Variants in SBNO2 observed in about 807,000 individuals in gnomAD.
SBNO2 encodes protein strawberry notch homolog 2.
Under a neutral mutation model 146.3 loss-of-function variants are expected in SBNO2, and 89 were observed. The ratio of observed to expected loss-of-function variants is 0.61; its 90% CI spans 0.51 to 0.73. SBNO2 has a LOEUF of 0.73. Among genes scored for constraint, SBNO2 ranks in the 30% least tolerant of loss-of-function variants. SBNO2 has a pLI of 0.00. For synonymous variants in SBNO2, 1,147 were observed against 892.6 expected (o/e 1.29, Z -5.08); for missense variants, 2,092 against 2,003.7 (o/e 1.04, Z -0.84).
At chr19:1,139,857 A>G (rs2080118891) in intron 4 of SBNO2, among the ~76,000 whole-genome samples, 1 of 152,170 alleles carries the variant, frequency 6.6e-6, no homozygotes, top group South Asian at 2.1e-4. Context: ...AGACAGGAGA[A>G]TCGCTTGAAC....
intron 4 of SBNO2, among the ~76,000 whole-genome samples, chr19:1,134,060 C>T (rs1418526130): frequency 6.6e-6 from 1 of 150,982 alleles, no homozygotes; most frequent in East Asian, 1.9e-4. Flanking sequence ...GCTCACAGGA[C>T]CCATAGCTCA....
intron 2 of SBNO2, among the ~76,000 whole-genome samples, chr19:1,153,611 C>G (rs1367973512): frequency 1.3e-5 from 2 of 152,040 alleles, no homozygotes; most frequent in African/African-American, 4.8e-5. Context: ...CGTCTCCACT[C>G]ACTGCAGCCT....
At position 1,160,593 on chromosome 19, in the gene SBNO2, G is replaced by T. The variant is rs529668732; in HGVS notation, c.-126-6191C>A. Among the ~76,000 whole-genome samples the T allele has an allele frequency of 3.3e-5, 5 of 152,214 alleles. No individual in the cohort carries two copies. In the South Asian group the frequency reaches 8.3e-4, roughly 25 times the overall value. On this transcript the variant is annotated intron_variant, in intron 1 of 31. Coordinates refer to ENST00000361757, the MANE Select transcript of SBNO2 (RefSeq NM_014963.3). ...CAGTGATTTTTGTGGACCCACTGGG[G>T]GTCTCGGCTCACTGCAGCCTTCGCC...
rs2079762317 is a variant in SBNO2 at position 1,111,680 on chromosome 19, C to A, written c.2701-66G>T. On this transcript the variant is annotated intron_variant, in intron 23 of 31. Transcript: ENST00000361757. ...AGGCTGGCTTTCCCTGGACCCCTGC[C>A]TCCCCAGAACCCCACCCTCCCCTAG... 1.2e-5 allele frequency: 15 copies of A among 1,245,456 alleles called. No individual in the cohort carries two copies. In the Admixed American group the frequency reaches 3.0e-4, roughly 25 times the overall value. 77.2% of individuals were successfully genotyped at this position (1,245,456 alleles called of 1,614,324 possible).
intron 4 of SBNO2, among the ~76,000 whole-genome samples, chr19:1,131,353 GCCGGGGCTGC>G: frequency 6.6e-6 from 1 of 152,330 alleles, no homozygotes; most frequent in Non-Finnish European, 1.5e-5. Context: ...CCCAGGGAGG[GCCGGGGCTGC>G]CCGCTGTGGT....
intron 1 of SBNO2, among the ~76,000 whole-genome samples, chr19:1,172,907 AGGAAGGACGTTCTGAGCAGGCG>A (rs1374313234): frequency 6.6e-6 from 1 of 151,712 alleles, no homozygotes; most frequent in Non-Finnish European, 1.5e-5. Context: ...AGTCACAGGC[AGGAAGGACGTTCTGAGCAGGCG>A]GGAACAACAG....
intron 1 of SBNO2, among the ~76,000 whole-genome samples, chr19:1,167,254 C>A (rs1226029493): frequency 6.6e-6 from 1 of 152,260 alleles, no homozygotes; most frequent in Non-Finnish European, 1.5e-5. Context: ...ACTCCAGGTT[C>A]GCCAGTGCGG....
At position 1,170,013 on chromosome 19, in the gene SBNO2, C is replaced by A. The variant is rs534448856; in HGVS notation, c.-127+4159G>T. 1.2e-3 allele frequency among the ~76,000 whole-genome samples: 180 copies of A among 152,304 alleles called. 1 individual carries two copies. Among genetic ancestry groups the A allele is most frequent in the African/African-American group, 4.1e-3 (172 of 41,568 alleles). ...CTGGACACGTGACCACACGTCTACC[C>A]CCCATCTGTGGACTGCCCTGCTCTG... On this transcript the variant is annotated intron_variant, in intron 1 of 31. Transcript: ENST00000361757.
At chr19:1,132,265 T>C (rs1358787058) in intron 4 of SBNO2, 4 of 1,314,398 alleles carry the variant, frequency 3.0e-6, no homozygotes, top group Non-Finnish European at 3.9e-6. Flanking sequence ...CCCGGCTGCA[T>C]TTGCATGTCG....
chr19:1,116,030 T>A lies in SBNO2; in HGVS notation c.1876A>T (p.Lys626Ter). 6.2e-7 allele frequency: 1 copy of A among 1,607,726 alleles called. No individual in the cohort carries two copies. Among genetic ancestry groups the A allele is most frequent in the Non-Finnish European group, 8.5e-7 (1 of 1,178,330 alleles). ...KRKRDRGAGS[K>*]RKRRPRGRGA... ...GGGGGGCAGGGCTTACGTTTCCGCTTGCTGCCCGCTCCTCTGTCCCGCTTT... is the reference window on the plus strand; with the variant it reads ...GGGGGGCAGGGCTTACGTTTCCGCTAGCTGCCCGCTCCTCTGTCCCGCTTT... Residue 626 changes from lysine (K) to a stop codon, truncating the protein, a stop_gained, in exon 17 of 32, where the codon AAG (lysine) becomes TAG (stop). Coordinates refer to ENST00000361757, the MANE Select transcript of SBNO2 (RefSeq NM_014963.3). LOFTEE classifies it high-confidence loss of function.
chr19:1,120,106 C>T (rs957989785), intron 11 of SBNO2, 83 bp from the exon 12 acceptor site: 41 of 1,074,228 alleles, frequency 3.8e-5, no homozygotes, highest in Middle Eastern at 2.0e-4. Flanking sequence ...AAGACCCCAC[C>T]TTCCTGGTGG....
In SBNO2 at chr19:1,158,569, G is replaced by A. The variant is rs1031697583; in HGVS notation, c.-126-4167C>T. ...CGGGTTCTGGTCTCCTGGCACACCC[G>A]GCAGCATCTCAAGGCCTGCGCCAGC... is the stretch of plus-strand genomic sequence containing the variant. On this transcript the variant is annotated intron_variant, in intron 1 of 31. Coordinates refer to ENST00000361757, the MANE Select transcript of SBNO2 (RefSeq NM_014963.3). This position sits in a 1 kb window ranked among gnomAD's most constrained non-coding sequence, Gnocchi z 9.9. Among the ~76,000 whole-genome samples the A allele has an allele frequency of 2.6e-5, 4 of 152,198 alleles. No individual in the cohort carries two copies. Among genetic ancestry groups the A allele is most frequent in the East Asian group, 3.8e-4 (2 of 5,198 alleles).
chr19:1,136,920 G>A lies in SBNO2; in HGVS notation c.280-9155C>T, dbSNP rs1248461298. Among the ~76,000 whole-genome samples, 12 of 151,878 alleles carry A rather than the reference G, an allele frequency of 7.9e-5. No homozygotes were observed. The highest frequency in any genetic ancestry group is 2.0e-4 in the East Asian group (1 of 5,078). The stretch of plus-strand genomic sequence containing the variant: ...GGTCCCTGCAGCCCCATGGGGACCC[G>A]GGATGGATGCCCGGCAGGTGGAGAG... On this transcript the variant is annotated intron_variant, in intron 4 of 31. Transcript: ENST00000361757. This position sits in a 1 kb window ranked among gnomAD's most constrained non-coding sequence, Gnocchi z 4.2.
At chr19:1,122,107 C>A in intron 11 of SBNO2, 32 bp downstream of exon 11, 2 of 1,379,092 alleles carry the variant, frequency 1.5e-6, no homozygotes, top group South Asian at 1.7e-5. Context: ...CCTAATCCAG[C>A]CCTCCCCTCC....
At position 1,140,208 on chromosome 19, in the gene SBNO2, G is replaced by A. The variant is rs1391288061; in HGVS notation, c.279+7101C>T. On this transcript the variant is annotated intron_variant, in intron 4 of 31. Coordinates refer to ENST00000361757, the MANE Select transcript of SBNO2 (RefSeq NM_014963.3). The surrounding 1 kb of genome is among the most constrained non-coding windows in gnomAD (Gnocchi z 4.4). ...CCAGCTACTCGGGAGGCTGAGGCGG[G>A]AGAATGGCATGAACCCAGGAGGCGT... Among the ~76,000 whole-genome samples the A allele has an allele frequency of 1.3e-5, 2 of 151,758 alleles. No individual in the cohort carries two copies. The highest frequency in any genetic ancestry group is 2.4e-5 in the African/African-American group (1 of 41,316).
intron 5 of SBNO2, chr19:1,127,383 G>A: frequency 1.7e-6 from 1 of 592,376 alleles, no homozygotes. Flanking sequence ...CCCAGATGTG[G>A]TAGCCACAGA....
At chr19:1,114,657 CT>C in intron 17 of SBNO2, among the ~76,000 whole-genome samples, 2 of 149,050 alleles carry the variant, frequency 1.3e-5, no homozygotes, top group South Asian at 2.1e-4. Flanking sequence ...TATTTATTTT[CT>C]TTTGAGACGG....
chr19:1,172,835 G>A (rs1239725026), intron 1 of SBNO2, among the ~76,000 whole-genome samples: 2 of 132,930 alleles, frequency 1.5e-5, no homozygotes, highest in African/African-American at 2.9e-5. Flanking sequence ...CTCCGAGGCC[G>A]GGCACTCTCG....
At position 1,119,566 on chromosome 19, in the gene SBNO2, C is replaced by T. The variant is rs2079874680; in HGVS notation, c.1323G>A (p.Glu441=). The change falls in exon 13 of 32, where the codon GAG becomes GAA. Residue 441 remains glutamate (E), a synonymous_variant. Coordinates refer to ENST00000361757, the MANE Select transcript of SBNO2 (RefSeq NM_014963.3). ...CCTCAAAGTTCCGGAAGGGTGTGCC[C>T]TCGCCCCAGATACCCAAGCGGCTCA... ...IYMSRLGIWG[E]GTPFRNFEEF... is the part of the protein sequence containing the mutation. 1.1e-5 allele frequency: 17 copies of T among 1,611,532 alleles called. No individual in the cohort carries two copies. The East Asian group carries it at 3.8e-4, about 36-fold the overall frequency.
Sources: gnomAD v4.1 joint callset for allele counts (sites outside exome capture counted in the v4.1 genomes callset) on GRCh38, gnomAD v4.1.1 for gene constraint, Gnocchi (gnomAD v3.1) non-coding constraint, MANE v1.5 for transcripts, NCBI Gene and HGNC (gene_info 2026-07-23, HGNC 2026-07-21) for gene names.